TAF4B: variants seen among roughly 807,000 people sequenced by gnomAD.
The protein encoded by TAF4B is transcription initiation factor TFIID subunit 4B.
TAF4B carries 38 observed loss-of-function variants against 86.4 expected under a neutral mutation model. The ratio of observed to expected loss-of-function variants is 0.44; its 90% CI spans 0.34 to 0.58. The LOEUF (loss-of-function observed/expected upper bound fraction) is 0.58. Among genes scored for constraint, TAF4B ranks in the 20% least tolerant of loss-of-function variants. The pLI, the probability that TAF4B is intolerant of heterozygous loss-of-function variation, is 0.02. For missense variants in TAF4B, 988 were observed against 1,027.6 expected (o/e 0.96, Z 0.53); for synonymous variants, 388 against 391.2 (o/e 0.99, Z 0.10).
intron 14 of TAF4B, among the ~76,000 whole-genome samples, chr18:26,379,845 A>G (rs1342255728): frequency 6.6e-6 from 1 of 152,056 alleles, no homozygotes; most frequent in Non-Finnish European, 1.5e-5. Flanking sequence ...TCTTTATCTC[A>G]ATGTTTTAGT....
intron 7 of TAF4B, among the ~76,000 whole-genome samples, chr18:26,291,287 G>T (rs1243321563): frequency 2.0e-5 from 3 of 151,892 alleles, no homozygotes; most frequent in Non-Finnish European, 4.4e-5. Context: ...TTGAGACAGG[G>T]TCTCACTCTG....
At chr18:26,239,145 G>A (rs2055796462) in intron 1 of TAF4B, among the ~76,000 whole-genome samples, 1 of 152,186 alleles carries the variant, frequency 6.6e-6, no homozygotes, top group South Asian at 2.1e-4. Flanking sequence ...TCTAGTTCTA[G>A]ATCCTTGAGG....
chr18:26,253,508 A>G (rs973346590), intron 1 of TAF4B, among the ~76,000 whole-genome samples: 9 of 152,186 alleles, frequency 5.9e-5, no homozygotes, highest in South Asian at 4.1e-4. Flanking sequence ...TTTTGTGTCT[A>G]TATCCATAAG....
rs1335740624 is a variant in TAF4B, at chr18:26,317,479, A to G, written c.2002+2081A>G. Among the ~76,000 whole-genome samples, 7 of 152,192 alleles carry G rather than the reference A, an allele frequency of 4.6e-5. No individual in the cohort carries two copies. The East Asian group carries it at 1.3e-3, about 29-fold the overall frequency. On this transcript the variant is annotated intron_variant, in intron 10 of 14. Transcript: ENST00000269142. The stretch of plus-strand genomic sequence containing the variant: ...ATAATATTTGCCACTTTTGTAGGTT[A>G]TATGGTTTCTGTCACAATTGCTCAA...
chr18:26,379,572 C>G (rs1241621670), intron 14 of TAF4B, among the ~76,000 whole-genome samples: 1 of 152,080 alleles, frequency 6.6e-6, no homozygotes, highest in Non-Finnish European at 1.5e-5. Flanking sequence ...TTATGCCATA[C>G]TACAATCTCT....
At chr18:26,272,850 T>C (rs995894692) in intron 3 of TAF4B, among the ~76,000 whole-genome samples, 2 of 151,996 alleles carry the variant, frequency 1.3e-5, no homozygotes, top group African/African-American at 4.8e-5. Flanking sequence ...ACTAAAGATA[T>C]GAAAAGGAGG....
At chr18:26,238,664 T>C (rs1462914014) in intron 1 of TAF4B, among the ~76,000 whole-genome samples, 1 of 152,156 alleles carries the variant, frequency 6.6e-6, no homozygotes, top group Non-Finnish European at 1.5e-5. Flanking sequence ...TATGTATACA[T>C]GTGCCATGTT....
chr18:26,321,036 T>C (rs757835996), intron 10 of TAF4B, 34 bp from the exon 11 acceptor site: 1 of 1,612,610 alleles, frequency 6.2e-7, no homozygotes, highest in Non-Finnish European at 8.5e-7. Flanking sequence ...CAGCCACTAC[T>C]AAAACACGTA....
chr18:26,295,164 C>A, intron 9 of TAF4B: 1 of 323,538 alleles, frequency 3.1e-6, no homozygotes, highest in Non-Finnish European at 6.2e-6. Context: ...CCTTAGTCTT[C>A]CTCATCCCCC....
chr18:26,253,692 C>T lies in TAF4B; in HGVS notation c.344-11478C>T, dbSNP rs1019734472. Among the ~76,000 whole-genome samples, 7 of 152,184 alleles carry T rather than the reference C, an allele frequency of 4.6e-5. No homozygotes were observed. The South Asian group carries it at 1.2e-3, about 27-fold the overall frequency. ...ATTTGGTAGAATTGACCAGTGAAGTCATCTGGACCTGCGCTTTTCTTACAG... is the reference window on the plus strand; with the variant it reads ...ATTTGGTAGAATTGACCAGTGAAGTTATCTGGACCTGCGCTTTTCTTACAG... On this transcript the variant is annotated intron_variant, in intron 1 of 14. Coordinates refer to ENST00000269142, the MANE Select transcript of TAF4B (RefSeq NM_005640.3).
chr18:26,380,619 TCTG>T (rs2144376999), intron 14 of TAF4B, among the ~76,000 whole-genome samples: 1 of 152,288 alleles, frequency 6.6e-6, no homozygotes, highest in South Asian at 2.1e-4. Flanking sequence ...TGTCTTGAAG[TCTG>T]CTTTGTTTTT....
chr18:26,278,109 G>A (rs575018172), intron 5 of TAF4B, among the ~76,000 whole-genome samples: 1 of 152,092 alleles, frequency 6.6e-6, no homozygotes, highest in Non-Finnish European at 1.5e-5. Flanking sequence ...GGAAAAAAGT[G>A]GCTAGTTTAG....
chr18:26,313,713 T>A (rs2056874585), intron 9 of TAF4B, among the ~76,000 whole-genome samples: 1 of 152,056 alleles, frequency 6.6e-6, no homozygotes, highest in Non-Finnish European at 1.5e-5. Flanking sequence ...TCACCCAGGC[T>A]ACAGTGCAGT....
chr18:26,244,189 G>T (rs952643136), intron 1 of TAF4B, among the ~76,000 whole-genome samples: 4 of 152,226 alleles, frequency 2.6e-5, no homozygotes, highest in African/African-American at 9.6e-5. Context: ...AGTCTACAGA[G>T]ACAGGAAGGC....
chr18:26,245,905 T>C (rs992479427), intron 1 of TAF4B, among the ~76,000 whole-genome samples: 1 of 152,234 alleles, frequency 6.6e-6, no homozygotes, highest in Non-Finnish European at 1.5e-5. Context: ...TGATACTGTT[T>C]GCACTACTTT....
intron 9 of TAF4B, among the ~76,000 whole-genome samples, chr18:26,299,115 C>A (rs1284471679): frequency 6.8e-6 from 1 of 148,020 alleles, no homozygotes; most frequent in Non-Finnish European, 1.5e-5. Flanking sequence ...CCTGCCTCGG[C>A]CTCCCAAAGT....
At chr18:26,267,395 A>G (rs1036925771) in intron 2 of TAF4B, 121 bp from the exon 3 acceptor site, 20 of 674,234 alleles carry the variant, frequency 3.0e-5, no homozygotes, top group Non-Finnish European at 4.2e-5. Context: ...ACATTAGGTT[A>G]TAACTCCAGT....
Position 26,227,021 on chromosome 18 carries a change from G to C in TAF4B, c.88G>C (p.Ala30Pro). 8 of 1,479,568 alleles carry C rather than the reference G, an allele frequency of 5.4e-6. No individual in the cohort carries two copies. The highest frequency in any genetic ancestry group is 7.1e-6 in the Non-Finnish European group (8 of 1,129,404). 91.7% of individuals were successfully genotyped at this position (1,479,568 alleles called of 1,614,324 possible). A position where few individuals can be genotyped will look rare whatever the true frequency, so the allele number is the denominator to read the frequency against. Reference protein sequence around the residue: ...SGTVTMAPAGALPVRVESTPV... With the variant: ...SGTVTMAPAGPLPVRVESTPV... ...GACCGTGACCATGGCCCCGGCCGGG[G>C]CGCTGCCGGTGCGGGTGGAGAGCAC... The change falls in exon 1 of 15, where the codon GCG (alanine) becomes CCG (proline). Residue 30 changes from alanine to proline, a missense_variant. Ala to Pro is a conservative substitution (Grantham distance 27, BLOSUM62 -1). Around this residue, in one of 3 missense-constraint regions of TAF4B, gnomAD observed 747 missense variants for 737.9 expected, o/e 1.01. Coordinates refer to ENST00000269142, the MANE Select transcript of TAF4B (RefSeq NM_005640.3).
At chr18:26,285,322 G>A (rs1013521496) in intron 6 of TAF4B, among the ~76,000 whole-genome samples, 5 of 145,100 alleles carry the variant, frequency 3.4e-5, no homozygotes, top group African/African-American at 1.3e-4. Flanking sequence ...CGAGTAGCTG[G>A]GACTACACGT....
Sources: gnomAD v4.1 joint callset for allele counts (sites outside exome capture counted in the v4.1 genomes callset) on GRCh38, gnomAD v4.1.1 for gene constraint, gnomAD v4.1.1 regional missense constraint, MANE v1.5 for transcripts, NCBI Gene and HGNC (gene_info 2026-07-23, HGNC 2026-07-21) for gene names.